The following PTPRD variants were observed in gnomAD, a reference collection of about 807,000 sequenced individuals.
PTPRD encodes protein tyrosine phosphatase receptor type D.
Under a neutral mutation model 214.5 loss-of-function variants are expected in PTPRD, and 34 were observed. The observed-to-expected ratio is 0.16, with a 90% CI of 0.12 to 0.21. The LOEUF is 0.21. PTPRD is among the 10% of genes least tolerant of loss of function. The pLI is 1.00. For synonymous variants in PTPRD, 1,128 were observed against 845.7 expected, an observed-to-expected ratio of 1.33 and a Z score of -5.79; for missense variants, 2,545 against 2,398.7, an observed-to-expected ratio of 1.06 and a Z score of -1.27.
At chr9:9,648,277 T>C (rs548753588) in intron 7 of PTPRD, among the ~76,000 whole-genome samples, 71 of 152,196 alleles carry the variant, frequency 4.7e-4, no homozygotes, top group South Asian at 4.6e-3. Context: ...AGAGAGCACC[T>C]AGACCTAACC....
intron 8 of PTPRD, among the ~76,000 whole-genome samples, chr9:9,507,198 G>A (rs1016486818): frequency 1.3e-5 from 2 of 151,136 alleles, no homozygotes; most frequent in African/African-American, 4.8e-5. Flanking sequence ...AGGATAGTAA[G>A]CATTATAATG....
intron 12 of PTPRD, among the ~76,000 whole-genome samples, chr9:8,642,372 T>C (rs866145980): frequency 1.8e-4 from 28 of 152,236 alleles, no homozygotes; most frequent in African/African-American, 6.5e-4. Context: ...AGTTTTGTTT[T>C]TAAAGGGCTG....
At chr9:9,845,962 G>A (rs2059454931) in intron 5 of PTPRD, among the ~76,000 whole-genome samples, 2 of 152,014 alleles carry the variant, frequency 1.3e-5, no homozygotes, top group African/African-American at 4.8e-5. Context: ...ACAGTTTGAT[G>A]CTCTTCATTA....
rs578113877 is a variant in PTPRD at position 10,369,894 on chromosome 9, C to CA, written c.-599-28878dup. Among the ~76,000 whole-genome samples the CA allele has an allele frequency of 2.5e-3, 385 of 151,824 alleles. 1 individual carries two copies. The highest frequency in any genetic ancestry group is 4.6e-3 in the Non-Finnish European group (309 of 67,896). On this transcript the variant is annotated intron_variant, in intron 2 of 45. Transcript: ENST00000381196. The stretch of plus-strand genomic sequence containing the variant: ...GTCATATTAAATAGAAACATAGTGT[C>CA]AAAAAAAGAACAATAATGAGAACAA...
In PTPRD at chr9:9,397,611, C is replaced by T. The variant is rs569936755; in HGVS notation, c.-236-129G>A. On this transcript the variant is annotated intron_variant, in intron 8 of 45. Coordinates refer to ENST00000381196, the MANE Select transcript of PTPRD (RefSeq NM_002839.4). ...TAAAATTAAGTAAGCAATGAAGATACGTTATCTGACCTCAATTATTTATTT... is the reference window on the plus strand; with the variant it reads ...TAAAATTAAGTAAGCAATGAAGATATGTTATCTGACCTCAATTATTTATTT... The T allele has an allele frequency of 3.3e-5, 5 of 152,190 alleles. No individual in the cohort carries two copies. The South Asian group carries it at 6.2e-4, about 19-fold the overall frequency. The allele number at this position is 152,190 out of a possible 1,614,324, so 9.4% of individuals were successfully genotyped here.
At chr9:9,506,031 G>C (rs992496862) in intron 8 of PTPRD, among the ~76,000 whole-genome samples, 2 of 151,386 alleles carry the variant, frequency 1.3e-5, no homozygotes, top group Non-Finnish European at 3.0e-5. Context: ...TCAAGACATA[G>C]GGGCTTAAAT....
At chr9:9,342,779 T>A (rs1461201834) in intron 9 of PTPRD, among the ~76,000 whole-genome samples, 4 of 151,904 alleles carry the variant, frequency 2.6e-5, no homozygotes, top group Non-Finnish European at 5.9e-5. Context: ...GATAAATAGG[T>A]ATACACGTGC....
intron 3 of PTPRD, among the ~76,000 whole-genome samples, chr9:10,231,835 G>T (rs1298600210): frequency 6.6e-6 from 1 of 151,882 alleles, no homozygotes; most frequent in Non-Finnish European, 1.5e-5. Context: ...GCAGGGCCCT[G>T]TGGAGGTATT....
chr9:10,185,140 G>T (rs1013286339), intron 3 of PTPRD, among the ~76,000 whole-genome samples: 4 of 152,064 alleles, frequency 2.6e-5, no homozygotes, highest in African/African-American at 9.7e-5. Context: ...CATTAAAGAT[G>T]ATCTCACTGT....
chr9:9,792,868 ACT>A (rs1477887918), intron 5 of PTPRD, among the ~76,000 whole-genome samples: 7 of 152,090 alleles, frequency 4.6e-5, no homozygotes, highest in African/African-American at 1.7e-4. Flanking sequence ...TTTATAAGTA[ACT>A]CTGAAACATT....
chr9:10,519,204 G>T (rs1333489644), intron 2 of PTPRD, among the ~76,000 whole-genome samples: 1 of 123,102 alleles, frequency 8.1e-6, no homozygotes, highest in Non-Finnish European at 1.6e-5. Context: ...AAAAATCTAG[G>T]TCATTTTATT....
chr9:9,101,812 A>G (rs567249740), intron 10 of PTPRD, among the ~76,000 whole-genome samples: 78 of 152,346 alleles, frequency 5.1e-4, no homozygotes, highest in Admixed American at 8.5e-4. Flanking sequence ...GGAGAAAATT[A>G]TTCCTTAATC....
At chr9:10,086,685 G>A (rs1473515340) in intron 3 of PTPRD, among the ~76,000 whole-genome samples, 1 of 151,716 alleles carries the variant, frequency 6.6e-6, no homozygotes, top group Admixed American at 6.6e-5. Flanking sequence ...AGGATCAACT[G>A]CAGCCCTAGG....
chr9:8,823,408 T>C (rs888634697), intron 11 of PTPRD, among the ~76,000 whole-genome samples: 1 of 152,206 alleles, frequency 6.6e-6, no homozygotes, highest in African/African-American at 2.4e-5. Context: ...GCATGCTTCA[T>C]GGAAACCTTA....
intron 26 of PTPRD, among the ~76,000 whole-genome samples, chr9:8,495,669 T>G (rs2097248979): frequency 6.6e-6 from 1 of 152,228 alleles, no homozygotes; most frequent in Non-Finnish European, 1.5e-5. Flanking sequence ...TATAAAAATT[T>G]TATTTTAGTT....
chr9:10,280,832 CTTGA>C (rs951486689), intron 3 of PTPRD, among the ~76,000 whole-genome samples: 2 of 151,620 alleles, frequency 1.3e-5, no homozygotes, highest in African/African-American at 4.9e-5. Context: ...CCAGGCTGGT[CTTGA>C]ACTCCTGGGC....
intron 44 of PTPRD, among the ~76,000 whole-genome samples, chr9:8,328,208 G>A (rs910624515): frequency 6.6e-6 from 1 of 152,150 alleles, no homozygotes; most frequent in African/African-American, 2.4e-5. Context: ...TGTAAGGCAG[G>A]CCTGGTGGTG....
intron 10 of PTPRD, among the ~76,000 whole-genome samples, chr9:9,022,975 T>C (rs2099574921): frequency 1.3e-5 from 2 of 152,188 alleles, no homozygotes; most frequent in African/African-American, 4.8e-5. Flanking sequence ...AGCCTGAGAA[T>C]AAACCATGGT....
chr9:9,954,051 C>T (rs1298924748), intron 4 of PTPRD, among the ~76,000 whole-genome samples: 2 of 151,948 alleles, frequency 1.3e-5, no homozygotes, highest in African/African-American at 4.8e-5. Flanking sequence ...AATCCCAGCA[C>T]TTTGGGAGGC....
Sources: allele counts gnomAD v4.1 joint callset (sites outside exome capture counted in the v4.1 genomes callset), GRCh38; gene constraint gnomAD v4.1.1; transcripts MANE v1.5; gene names NCBI Gene and HGNC (gene_info 2026-07-23, HGNC 2026-07-21).